Variants in PDE1A observed in about 807,000 individuals in gnomAD.
PDE1A encodes dual specificity calcium/calmodulin-dependent 3',5'-cyclic nucleotide phosphodiesterase 1A.
Under a neutral mutation model 61.7 loss-of-function variants are expected in PDE1A, and 35 were observed. That is an observed-to-expected ratio of 0.57 (90% CI 0.43 to 0.75). The LOEUF is 0.75. PDE1A is among the 30% of genes least tolerant of loss of function. The pLI, the probability that PDE1A is intolerant of heterozygous loss-of-function variation, is 0.00. For synonymous variants in PDE1A, 232 were observed against 213.2 expected (o/e 1.09, Z -0.77); for missense variants, 597 against 630.6 (o/e 0.95, Z 0.57).
intron 1 of PDE1A, among the ~76,000 whole-genome samples, chr2:182,303,047 C>T (rs1421915578): frequency 6.6e-6 from 1 of 152,198 alleles, no homozygotes; most frequent in Admixed American, 6.5e-5. Context: ...ACTTCCTTTA[C>T]TGAAGTCTTG....
the PDE1A span, among the ~76,000 whole-genome samples, chr2:182,555,852 G>C: frequency 6.7e-6 from 1 of 150,218 alleles, no homozygotes; most frequent in Non-Finnish European, 1.5e-5. Context: ...CTGCAATCCC[G>C]GCTACTCAGG....
chr2:182,418,877 C>T (rs1703088940), intron 1 of PDE1A, among the ~76,000 whole-genome samples: 1 of 152,088 alleles, frequency 6.6e-6, no homozygotes, highest in Non-Finnish European at 1.5e-5. Context: ...GGAAAAGACC[C>T]ACTGATATCA....
intron 2 of PDE1A, among the ~76,000 whole-genome samples, chr2:182,247,015 A>G (rs1251023655): frequency 6.6e-6 from 1 of 152,238 alleles, no homozygotes; most frequent in African/African-American, 2.4e-5. Context: ...TAGAAGTTTT[A>G]ATGTATACTC....
chr2:182,253,796 T>G (rs940691595), intron 2 of PDE1A, among the ~76,000 whole-genome samples: 6 of 152,190 alleles, frequency 3.9e-5, no homozygotes, highest in African/African-American at 1.4e-4. Context: ...TCCATTTAAG[T>G]TTGAACTTGT....
intron 2 of PDE1A, among the ~76,000 whole-genome samples, chr2:182,452,073 T>C (rs1405497022): frequency 6.6e-6 from 1 of 152,024 alleles, no homozygotes; most frequent in Non-Finnish European, 1.5e-5. Context: ...CAGAAATATA[T>C]AATATGTCCA....
chr2:182,410,963 A>G (rs1702575639), intron 1 of PDE1A, among the ~76,000 whole-genome samples: 1 of 152,186 alleles, frequency 6.6e-6, no homozygotes. Flanking sequence ...TCTTCTCCCA[A>G]ATAGAATCTG....
chr2:182,550,517 T>G, the PDE1A span, among the ~76,000 whole-genome samples: 2 of 152,290 alleles, frequency 1.3e-5, no homozygotes, highest in East Asian at 3.9e-4. Flanking sequence ...AAGCAAGTAC[T>G]GGTGATTTTA....
At chr2:182,218,553 CCTAA>C (rs148528347) in intron 7 of PDE1A, among the ~76,000 whole-genome samples, 4,724 of 152,174 alleles carry the variant, frequency 0.031, 241 homozygotes, top group African/African-American at 0.11. Context: ...CCAACATCTT[CCTAA>C]CTTTTATCTC....
At chr2:182,475,193 T>C (rs1687275254) in intron 2 of PDE1A, among the ~76,000 whole-genome samples, 1 of 151,918 alleles carries the variant, frequency 6.6e-6, no homozygotes, top group African/African-American at 2.4e-5. Flanking sequence ...AACAATGGAC[T>C]TCAGGAATGG....
chr2:182,348,837 TG>T (rs1268659565), intron 1 of PDE1A, among the ~76,000 whole-genome samples: 1 of 151,870 alleles, frequency 6.6e-6, no homozygotes, highest in Non-Finnish European at 1.5e-5. Context: ...CAAATTGTTC[TG>T]TACTTTCCTC....
At chr2:182,339,604 A>T (rs1698053688) in intron 1 of PDE1A, among the ~76,000 whole-genome samples, 1 of 152,188 alleles carries the variant, frequency 6.6e-6, no homozygotes, top group African/African-American at 2.4e-5. Flanking sequence ...CCTGAGTTCT[A>T]CAAGTCCTGT....
chr2:182,610,354 T>A, the PDE1A span, among the ~76,000 whole-genome samples: 366 of 152,288 alleles, frequency 2.4e-3, 1 homozygote, highest in African/African-American at 8.5e-3. Context: ...CTGCCTTTTG[T>A]GGGCTGATTT....
chr2:182,220,952 C>A (rs1688665457), intron 7 of PDE1A, among the ~76,000 whole-genome samples: 1 of 151,958 alleles, frequency 6.6e-6, no homozygotes, highest in South Asian at 2.1e-4. Context: ...TTTTCAAGTT[C>A]ATGTAGAATT....
intron 10 of PDE1A, among the ~76,000 whole-genome samples, chr2:182,193,908 A>C (rs1037790739): frequency 7.2e-5 from 11 of 152,094 alleles, no homozygotes; most frequent in Non-Finnish European, 7.4e-5. Flanking sequence ...GATTTTTTTG[A>C]AAAGCCAGAT....
chr2:182,527,955 G>A (rs143014265), upstream of PDE1A, among the ~76,000 whole-genome samples: 663 of 152,208 alleles, frequency 4.4e-3, 2 homozygotes, highest in African/African-American at 0.015. Context: ...GTGGAACTGT[G>A]AGTCCATTAA....
chr2:182,269,577 C>G (rs1692874123), intron 1 of PDE1A, among the ~76,000 whole-genome samples: 1 of 151,950 alleles, frequency 6.6e-6, no homozygotes. Flanking sequence ...AATTGATCAA[C>G]TGTAAATACT....
chr2:182,466,914 G>T (rs1013170139), intron 2 of PDE1A, among the ~76,000 whole-genome samples: 13 of 151,998 alleles, frequency 8.6e-5, no homozygotes, highest in African/African-American at 3.1e-4. Context: ...TAGCTGAATA[G>T]AAGCCTAGAG....
At chr2:182,553,387 CA>C in the PDE1A span, among the ~76,000 whole-genome samples, 5 of 152,208 alleles carry the variant, frequency 3.3e-5, no homozygotes, top group Non-Finnish European at 5.9e-5. Context: ...CATACCACTA[CA>C]ACGGCTGATA....
At chr2:182,504,767 A>C (rs1302736733) in intron 2 of PDE1A, among the ~76,000 whole-genome samples, 2 of 152,232 alleles carry the variant, frequency 1.3e-5, no homozygotes, top group Non-Finnish European at 2.9e-5. Context: ...GAATAAATAA[A>C]GTCTGAGAAC....
Sources: gnomAD v4.1 joint callset for allele counts (sites outside exome capture counted in the v4.1 genomes callset) on GRCh38, gnomAD v4.1.1 for gene constraint, MANE v1.5 for transcripts, NCBI Gene and HGNC (gene_info 2026-07-23, HGNC 2026-07-21) for gene names.